The following PTCHD4 variants were observed in gnomAD, a reference collection of about 807,000 sequenced individuals.
The protein encoded by PTCHD4 is patched domain containing 4, also known as patched domain-containing protein 4.
Under a neutral mutation model 58.1 loss-of-function variants are expected in PTCHD4, and 33 were observed. That is an observed-to-expected ratio of 0.57 (90% CI 0.43 to 0.76). The LOEUF (loss-of-function observed/expected upper bound fraction) is 0.76. Ranked by LOEUF, PTCHD4 falls within the 30% of genes least tolerant of loss-of-function variation. PTCHD4 has a pLI of 0.00. For synonymous variants in PTCHD4, 478 were observed against 409.6 expected, an observed-to-expected ratio of 1.17 and a Z score of -2.02; for missense variants, 1,058 against 1,027.1, an observed-to-expected ratio of 1.03 and a Z score of -0.41.
intron 4 of PTCHD4, among the ~76,000 whole-genome samples, chr6:47,961,641 A>G (rs1767097946): frequency 6.6e-6 from 1 of 152,168 alleles, no homozygotes; most frequent in Admixed American, 6.5e-5. Flanking sequence ...ATAGTAATAA[A>G]GGTCATTTAC....
intron 3 of PTCHD4, among the ~76,000 whole-genome samples, chr6:48,067,592 A>T (rs1764843725): frequency 1.3e-5 from 2 of 152,144 alleles, no homozygotes; most frequent in Admixed American, 1.3e-4. Flanking sequence ...CACGGCACCA[A>T]AACACAAACT....
chr6:48,030,229 A>C (rs1381860232), intron 3 of PTCHD4, among the ~76,000 whole-genome samples: 2 of 152,132 alleles, frequency 1.3e-5, no homozygotes, highest in African/African-American at 4.8e-5. Flanking sequence ...TTTTGCAACT[A>C]TATTAGTCTT....
intron 4 of PTCHD4, among the ~76,000 whole-genome samples, chr6:47,910,371 C>T (rs936653900): frequency 6.6e-6 from 1 of 152,066 alleles, no homozygotes; most frequent in African/African-American, 2.4e-5. Context: ...ACTTGAACAA[C>T]CACAGCACAG....
chr6:47,894,708 T>G (rs967431682), intron 4 of PTCHD4, among the ~76,000 whole-genome samples: 13 of 152,260 alleles, frequency 8.5e-5, no homozygotes, highest in Non-Finnish European at 1.9e-4. Context: ...TCAGTAGAAA[T>G]GAAGTCAATC....
chr6:48,092,037 G>T (rs903249683), intron 1 of PTCHD4, among the ~76,000 whole-genome samples: 2 of 151,390 alleles, frequency 1.3e-5, no homozygotes, highest in African/African-American at 4.9e-5. Context: ...ACACAATAAA[G>T]ACCTAGATAA....
In PTCHD4 at chr6:47,856,781, T is replaced by G. The variant is rs754040005; in HGVS notation, c.*21522A>C. Among the ~76,000 whole-genome samples the G allele has an allele frequency of 3.3e-5, 5 of 152,096 alleles. No individual in the cohort carries two copies. The highest frequency in any genetic ancestry group is 4.4e-5 in the Non-Finnish European group (3 of 68,004). ...AGAGAGAATAATTTTATGAACATTT[T>G]ATACCTAATAAAAAAGTTAAAATAA... On this transcript the variant is annotated 3_prime_UTR_variant, in exon 5 of 5. Transcript: ENST00000339488.
At chr6:48,005,745 A>G (rs188771360) in intron 4 of PTCHD4, among the ~76,000 whole-genome samples, 3 of 152,344 alleles carry the variant, frequency 2.0e-5, no homozygotes, top group Admixed American at 1.3e-4. Flanking sequence ...CATATACTTT[A>G]AAGATTTTTA....
chr6:47,874,436 G>T lies in PTCHD4; in HGVS notation c.*3867C>A, dbSNP rs1306893911. Among the ~76,000 whole-genome samples, 4 of 151,504 alleles carry T rather than the reference G, an allele frequency of 2.6e-5. No homozygotes were observed. Among genetic ancestry groups the T allele is most frequent in the Non-Finnish European group, 5.9e-5 (4 of 67,768 alleles). On this transcript the variant is annotated 3_prime_UTR_variant, in exon 5 of 5. Transcript: ENST00000339488. ...TAGTGCCGTGCATTCATAACTATTT[G>T]GTCATAAAAATATGTGACTGTAATT... is the stretch of plus-strand genomic sequence containing the variant.
At chr6:48,085,603 G>T (rs1035954009) in intron 1 of PTCHD4, among the ~76,000 whole-genome samples, 2 of 152,158 alleles carry the variant, frequency 1.3e-5, no homozygotes, top group African/African-American at 4.8e-5. Context: ...CCAGAAAGTT[G>T]ACAGTCCTAA....
At chr6:47,991,795 C>A (rs1233451896) in intron 4 of PTCHD4, among the ~76,000 whole-genome samples, 1 of 151,742 alleles carries the variant, frequency 6.6e-6, no homozygotes, top group African/African-American at 2.4e-5. Context: ...ATTTGTATAA[C>A]AATCACAAAA....
intron 4 of PTCHD4, among the ~76,000 whole-genome samples, chr6:47,897,819 A>G (rs1388784040): frequency 2.0e-5 from 3 of 152,072 alleles, no homozygotes; most frequent in Admixed American, 2.0e-4. Context: ...CACAATATCT[A>G]TGTGATGACT....
chr6:48,082,552 AT>A (rs1339919391), intron 1 of PTCHD4, among the ~76,000 whole-genome samples: 3 of 152,212 alleles, frequency 2.0e-5, no homozygotes, highest in Non-Finnish European at 2.9e-5. Context: ...GTGATTAAAA[AT>A]AAGACTCTTC....
At chr6:47,929,697 A>T (rs747740020) in intron 4 of PTCHD4, among the ~76,000 whole-genome samples, 11 of 152,178 alleles carry the variant, frequency 7.2e-5, no homozygotes, top group Admixed American at 1.3e-4. Context: ...CAGGCTCTTA[A>T]ATGCTCTGGT....
chr6:48,021,611 TA>T (rs1562011522), intron 3 of PTCHD4, among the ~76,000 whole-genome samples: 1 of 141,184 alleles, frequency 7.1e-6, no homozygotes, highest in African/African-American at 2.5e-5. Context: ...AAAGCTAGCT[TA>T]TTTTTTTTTT....
chr6:48,056,884 G>A (rs1764424043), intron 3 of PTCHD4, among the ~76,000 whole-genome samples: 1 of 152,200 alleles, frequency 6.6e-6, no homozygotes, highest in Non-Finnish European at 1.5e-5. Context: ...GATTCTGCAA[G>A]CTCTCATGGT....
intron 4 of PTCHD4, among the ~76,000 whole-genome samples, chr6:47,947,472 T>C (rs1766469165): frequency 6.6e-6 from 1 of 152,142 alleles, no homozygotes; most frequent in Non-Finnish European, 1.5e-5. Flanking sequence ...GCTCCTCCTT[T>C]ATTATTAATT....
At chr6:47,938,759 C>G (rs1312048287) in intron 4 of PTCHD4, among the ~76,000 whole-genome samples, 5 of 152,156 alleles carry the variant, frequency 3.3e-5, no homozygotes. Flanking sequence ...TTAGATTTAA[C>G]TATAATTTTA....
intron 4 of PTCHD4, among the ~76,000 whole-genome samples, chr6:47,886,077 C>T (rs780491648): frequency 4.6e-5 from 7 of 151,316 alleles, no homozygotes; most frequent in East Asian, 3.9e-4. Context: ...CTCGGCCTCC[C>T]AAAGTGCTGG....
At chr6:47,998,890 C>T (rs1768603748) in intron 4 of PTCHD4, among the ~76,000 whole-genome samples, 1 of 152,118 alleles carries the variant, frequency 6.6e-6, no homozygotes. Flanking sequence ...TAAAGAATTA[C>T]ATACATAAAA....
Sources: gnomAD v4.1 joint callset for allele counts (sites outside exome capture counted in the v4.1 genomes callset) on GRCh38, gnomAD v4.1.1 for gene constraint, MANE v1.5 for transcripts, NCBI Gene and HGNC (gene_info 2026-07-23, HGNC 2026-07-21) for gene names.